STARD13: variants seen among roughly 807,000 people sequenced by gnomAD.
STARD13 encodes the protein stAR-related lipid transfer protein 13.
STARD13 carries 62 observed loss-of-function variants against 106.4 expected under a neutral mutation model. The ratio of observed to expected loss-of-function variants is 0.58; its 90% CI spans 0.48 to 0.72. The LOEUF is 0.72. STARD13 is among the 30% of genes least tolerant of loss of function. The pLI is 0.00. For synonymous variants in STARD13, 565 were observed against 553.0 expected (o/e 1.02, Z -0.31); for missense variants, 1,387 against 1,424.0 (o/e 0.97, Z 0.42).
At chr13:33,310,540 T>C (rs1893091139) in intron 1 of STARD13, among the ~76,000 whole-genome samples, 2 of 152,166 alleles carry the variant, frequency 1.3e-5, no homozygotes, top group African/African-American at 4.8e-5. Context: ...TCTCCTTTAT[T>C]ATAAAAAAAT....
intron 1 of STARD13, chr13:33,272,624 T>G (rs912031972): frequency 6.6e-6 from 1 of 152,188 alleles, no homozygotes; most frequent in African/African-American, 2.4e-5. Flanking sequence ...ATGGCTTGCC[T>G]GGGCCTCTGG....
At chr13:33,263,426 T>G (rs145251105) in intron 1 of STARD13, among the ~76,000 whole-genome samples, 121 of 152,316 alleles carry the variant, frequency 7.9e-4, no homozygotes, top group Middle Eastern at 3.4e-3. Flanking sequence ...AGCAGCAAAG[T>G]AAACAGCTAC....
chr13:33,402,114 T>C, the STARD13 span, among the ~76,000 whole-genome samples: 1 of 152,208 alleles, frequency 6.6e-6, no homozygotes, highest in African/African-American at 2.4e-5. Context: ...AGTGAATAAA[T>C]ATTGGATAAT....
the STARD13 span, among the ~76,000 whole-genome samples, chr13:33,625,251 G>A: frequency 6.6e-6 from 1 of 152,146 alleles, no homozygotes; most frequent in African/African-American, 2.4e-5. Flanking sequence ...TGTCCTGAAC[G>A]AGAAGGGTGA....
the STARD13 span, among the ~76,000 whole-genome samples, chr13:33,416,667 T>C: frequency 4.6e-5 from 7 of 152,196 alleles, no homozygotes; most frequent in African/African-American, 1.4e-4. Flanking sequence ...AGATTCCTTC[T>C]CTAGACCACA....
chr13:33,106,622 C>T (rs1260771799), intron 13 of STARD13, 136 bp downstream of exon 13: 16 of 715,466 alleles, frequency 2.2e-5, no homozygotes, highest in Non-Finnish European at 3.3e-5. Context: ...TACATATCCA[C>T]CTATGAAAGC....
chr13:33,595,920 TAGG>T, the STARD13 span, among the ~76,000 whole-genome samples: 3 of 152,166 alleles, frequency 2.0e-5, no homozygotes, highest in East Asian at 1.9e-4. Context: ...AGCTTAGCAT[TAGG>T]AGAAGAGCCC....
At chr13:33,389,569 T>G in the STARD13 span, among the ~76,000 whole-genome samples, 13 of 152,312 alleles carry the variant, frequency 8.5e-5, no homozygotes, top group South Asian at 2.7e-3. Flanking sequence ...ACAATCTTTT[T>G]TCTATCGTAA....
chr13:33,385,467 TAAAA>T, the STARD13 span, among the ~76,000 whole-genome samples: 1 of 76,472 alleles, frequency 1.3e-5, no homozygotes, highest in Non-Finnish European at 2.7e-5. Flanking sequence ...CCCAGAATGG[TAAAA>T]AAAAAAAAAA....
At chr13:33,558,664 T>TGCTCAGAGGTCAGGAGATCGAG in the STARD13 span, among the ~76,000 whole-genome samples, 5 of 151,974 alleles carry the variant, frequency 3.3e-5, no homozygotes, top group African/African-American at 1.2e-4. Flanking sequence ...GCTCAGAAGC[T>TGCTCAGAGGTCAGGAGATCGAG]AATGTTTCAC....
chr13:33,451,155 T>C, the STARD13 span, among the ~76,000 whole-genome samples: 1 of 152,146 alleles, frequency 6.6e-6, no homozygotes, highest in African/African-American at 2.4e-5. Context: ...GCTGAAATTA[T>C]AGGTATGAGC....
chr13:33,495,745 A>G, the STARD13 span, among the ~76,000 whole-genome samples: 2 of 150,722 alleles, frequency 1.3e-5, no homozygotes, highest in Non-Finnish European at 3.0e-5. Context: ...TCTTGAGCTA[A>G]TAATCTTTCC....
intron 1 of STARD13, among the ~76,000 whole-genome samples, chr13:33,324,718 A>C (rs539179586): frequency 7.2e-5 from 11 of 152,304 alleles, no homozygotes; most frequent in South Asian, 2.1e-4. Context: ...TAGCATTTGT[A>C]TGTTTTTGAA....
the STARD13 span, among the ~76,000 whole-genome samples, chr13:33,636,242 G>A: frequency 2.0e-5 from 3 of 151,638 alleles, no homozygotes; most frequent in African/African-American, 4.8e-5. Context: ...GACTGATTGC[G>A]ATGATTTTTG....
chr13:33,244,648 G>A (rs1282468025), intron 1 of STARD13, among the ~76,000 whole-genome samples: 1 of 152,072 alleles, frequency 6.6e-6, no homozygotes, highest in Non-Finnish European at 1.5e-5. Context: ...TTGGAACTCT[G>A]AGACAAGAAG....
intron 1 of STARD13, among the ~76,000 whole-genome samples, chr13:33,174,868 C>A (rs924464562): frequency 2.0e-5 from 3 of 152,156 alleles, no homozygotes; most frequent in African/African-American, 4.8e-5. Context: ...TGCTTCTCTG[C>A]CTAGAGTGCA....
rs1883205438 is a variant in STARD13 at position 33,165,422 on chromosome 13, A to G, written c.242-4T>C. On this transcript the variant is annotated splice_polypyrimidine_tract_variant and splice_region_variant and intron_variant, in intron 2 of 13. Transcript: ENST00000336934. ...ATGTTGATGGGAAATTGTGAATCTG[A>G]GAGAGAAAGACAAAGAAGTTGATGT... is the stretch of plus-strand genomic sequence containing the variant. The G allele has an allele frequency of 6.2e-7, 1 of 1,610,652 alleles. No individual in the cohort carries two copies. Among genetic ancestry groups the G allele is most frequent in the African/African-American group, 1.3e-5 (1 of 74,862 alleles).
the STARD13 span, among the ~76,000 whole-genome samples, chr13:33,603,614 A>G: frequency 6.6e-6 from 1 of 152,176 alleles, no homozygotes; most frequent in Non-Finnish European, 1.5e-5. Context: ...GTACAAACTG[A>G]TGCTTTCTAA....
chr13:33,594,031 C>T, the STARD13 span, among the ~76,000 whole-genome samples: 6 of 152,134 alleles, frequency 3.9e-5, no homozygotes, highest in Admixed American at 3.3e-4. Context: ...CTCAGCCTCC[C>T]AAGTAGCTGG....
Sources: allele counts gnomAD v4.1 joint callset (sites outside exome capture counted in the v4.1 genomes callset), GRCh38; gene constraint gnomAD v4.1.1; transcripts MANE v1.5; gene names NCBI Gene and HGNC (gene_info 2026-07-23, HGNC 2026-07-21).